The following KIAA1958 variants were observed in gnomAD, a reference collection of about 807,000 sequenced individuals.
The protein encoded by KIAA1958 is uncharacterized protein KIAA1958.
KIAA1958 carries 14 observed loss-of-function variants against 47.2 expected under a neutral mutation model. That is an observed-to-expected ratio of 0.30 (90% CI 0.20 to 0.46). The LOEUF (loss-of-function observed/expected upper bound fraction) is 0.46, where lower values mean the gene tolerates loss of function less well. KIAA1958 is among the 20% of genes least tolerant of loss of function. The probability of loss-of-function intolerance (pLI) is 1.00; values close to 1 mark genes in which losing one functional copy is unlikely to be tolerated. For synonymous variants in KIAA1958, 354 were observed against 353.3 expected, an observed-to-expected ratio of 1.00 and a Z score of -0.02; for missense variants, 803 against 909.2, an observed-to-expected ratio of 0.88 and a Z score of 1.50.
At chr9:112,555,319 A>G (rs1835221552) in intron 1 of KIAA1958, among the ~76,000 whole-genome samples, 1 of 152,196 alleles carries the variant, frequency 6.6e-6, no homozygotes, top group African/African-American at 2.4e-5. Flanking sequence ...TGCCATGGAC[A>G]TTCCTGAGAT....
intron 1 of KIAA1958, among the ~76,000 whole-genome samples, chr9:112,560,916 C>T (rs1835316481): frequency 6.6e-6 from 1 of 151,964 alleles, no homozygotes; most frequent in Non-Finnish European, 1.5e-5. Context: ...CTGTCTGTCC[C>T]CTCCCTTCTT....
intron 2 of KIAA1958, chr9:112,581,916 T>C (rs1342668332): frequency 4.3e-6 from 1 of 231,536 alleles, no homozygotes; most frequent in East Asian, 1.1e-4. Flanking sequence ...TTCCCTGACA[T>C]GCTAGTCCTG....
intron 2 of KIAA1958, among the ~76,000 whole-genome samples, chr9:112,644,279 C>T (rs903213822): frequency 6.6e-6 from 1 of 152,036 alleles, no homozygotes; most frequent in Admixed American, 6.6e-5. Context: ...CAGACAGATC[C>T]TGGGGACGGT....
At chr9:112,498,731 A>G (rs1381237808) in intron 1 of KIAA1958, among the ~76,000 whole-genome samples, 1 of 152,136 alleles carries the variant, frequency 6.6e-6, no homozygotes, top group African/African-American at 2.4e-5. Flanking sequence ...TAATTAGGAC[A>G]CCCATCCTTG....
At chr9:112,624,455 A>C (rs767671805) in intron 2 of KIAA1958, among the ~76,000 whole-genome samples, 2 of 152,242 alleles carry the variant, frequency 1.3e-5, no homozygotes, top group African/African-American at 4.8e-5. Context: ...GATCCTTGCC[A>C]TCAAATAGAA....
intron 1 of KIAA1958, among the ~76,000 whole-genome samples, chr9:112,499,248 T>A (rs968301076): frequency 6.6e-6 from 1 of 152,234 alleles, no homozygotes. Context: ...TTTGATACAC[T>A]GGTTTTCTTT....
At chr9:112,650,393 A>G (rs1250675093) in intron 3 of KIAA1958, among the ~76,000 whole-genome samples, 3 of 152,186 alleles carry the variant, frequency 2.0e-5, no homozygotes, top group Non-Finnish European at 2.9e-5. Flanking sequence ...TTATATATGG[A>G]GGAAAAAATG....
chr9:112,625,640 G>C (rs1836597922), intron 2 of KIAA1958, among the ~76,000 whole-genome samples: 1 of 152,116 alleles, frequency 6.6e-6, no homozygotes, highest in African/African-American at 2.4e-5. Flanking sequence ...TCTACTTCTT[G>C]TTTTCCAAAT....
intron 1 of KIAA1958, among the ~76,000 whole-genome samples, chr9:112,537,240 G>T (rs1193831222): frequency 6.6e-6 from 1 of 152,076 alleles, no homozygotes; most frequent in African/African-American, 2.4e-5. Flanking sequence ...CGAGTAACTG[G>T]AACTACAGGC....
intron 1 of KIAA1958, among the ~76,000 whole-genome samples, chr9:112,541,348 A>G (rs1225808642): frequency 2.1e-4 from 3 of 14,008 alleles, no homozygotes; most frequent in Admixed American, 1.2e-3. Flanking sequence ...CAGAAAATTA[A>G]ATGAAAAAAA....
At chr9:112,613,222 C>G (rs1480900308) in intron 2 of KIAA1958, among the ~76,000 whole-genome samples, 1 of 152,020 alleles carries the variant, frequency 6.6e-6, no homozygotes, top group Admixed American at 6.6e-5. Flanking sequence ...ATTGACTGTT[C>G]AAATTGTATT....
intron 1 of KIAA1958, among the ~76,000 whole-genome samples, chr9:112,550,178 C>A (rs945667212): frequency 6.6e-6 from 1 of 150,820 alleles, no homozygotes; most frequent in Non-Finnish European, 1.5e-5. Flanking sequence ...CTGTTTGGAG[C>A]CTTTGATGGA....
At chr9:112,651,862 G>A (rs546345481) in intron 3 of KIAA1958, among the ~76,000 whole-genome samples, 1 of 152,308 alleles carries the variant, frequency 6.6e-6, no homozygotes, top group Admixed American at 6.5e-5. Context: ...TTTGTGAGTT[G>A]TAGCTAAAAT....
intron 2 of KIAA1958, among the ~76,000 whole-genome samples, chr9:112,603,814 C>T (rs1836177449): frequency 6.6e-6 from 1 of 152,196 alleles, no homozygotes; most frequent in Admixed American, 6.5e-5. Context: ...ATCTCAGCTG[C>T]AACTTCATAA....
At chr9:112,616,118 G>A (rs1013387130) in intron 2 of KIAA1958, among the ~76,000 whole-genome samples, 4 of 152,210 alleles carry the variant, frequency 2.6e-5, no homozygotes, top group Non-Finnish European at 5.9e-5. Flanking sequence ...CATTCAACCT[G>A]TGGCTTCCAT....
intron 2 of KIAA1958, among the ~76,000 whole-genome samples, chr9:112,577,793 T>TC (rs1408500277): frequency 2.0e-5 from 3 of 151,682 alleles, no homozygotes; most frequent in African/African-American, 7.3e-5. Flanking sequence ...AAAAAACGAA[T>TC]CCATTTATTA....
rs115388272 is a variant in KIAA1958 at position 112,645,489 on chromosome 9, A to G, written c.1172-161A>G. Among the ~76,000 whole-genome samples, 480 of 152,360 alleles carry G rather than the reference A, an allele frequency of 3.2e-3. 5 individuals carry two copies. The highest frequency in any genetic ancestry group is 0.011 in the African/African-American group (452 of 41,586). On this transcript the variant is annotated intron_variant, in intron 2 of 3. Coordinates refer to ENST00000337530, the MANE Select transcript of KIAA1958 (RefSeq NM_133465.4). ...ATAAGTATTGTTCCCTACTTATTCT[A>G]ATATATACAGATAGATATAGATATA... is the stretch of plus-strand genomic sequence containing the variant.
intron 1 of KIAA1958, among the ~76,000 whole-genome samples, chr9:112,549,264 A>T (rs921681619): frequency 2.0e-5 from 3 of 152,234 alleles, no homozygotes; most frequent in Non-Finnish European, 2.9e-5. Context: ...GGACTGTAAC[A>T]AACATGTTTC....
rs1477348026 is a variant in KIAA1958 at position 112,662,872 on chromosome 9, G to C, written c.*2803G>C. On this transcript the variant is annotated 3_prime_UTR_variant, in exon 4 of 4. Coordinates refer to ENST00000337530, the MANE Select transcript of KIAA1958 (RefSeq NM_133465.4). Reference sequence around the variant, plus strand: ...GTCCTCCGAGGTCTTAAGGGGGCCAGAGTAGCAGTCCTCGTTGGCGTTCTA... The same window carrying C: ...GTCCTCCGAGGTCTTAAGGGGGCCACAGTAGCAGTCCTCGTTGGCGTTCTA... 2.0e-5 allele frequency: 3 copies of C among 152,330 alleles called. No homozygotes were observed. The East Asian group carries it at 5.8e-4, about 29-fold the overall frequency. The allele number at this position is 152,330 out of a possible 1,614,324, so 9.4% of individuals were successfully genotyped here. A position where few individuals can be genotyped will look rare whatever the true frequency, so the allele number is the denominator to read the frequency against.
Sources: gnomAD v4.1 joint callset for allele counts (sites outside exome capture counted in the v4.1 genomes callset) on GRCh38, gnomAD v4.1.1 for gene constraint, MANE v1.5 for transcripts, NCBI Gene and HGNC (gene_info 2026-07-23, HGNC 2026-07-21) for gene names.